SPATA6: variants seen among roughly 807,000 people sequenced by gnomAD.
SPATA6 encodes spermatogenesis-associated protein 6.
Under a neutral mutation model 65.3 loss-of-function variants are expected in SPATA6, and 56 were observed. The observed-to-expected ratio is 0.86, with a 90% CI of 0.69 to 1.07. SPATA6 has a LOEUF of 1.07. Ranked by LOEUF, SPATA6 falls within the 50% of genes least tolerant of loss-of-function variation. SPATA6 has a pLI of 0.00. For missense variants in SPATA6, 590 were observed against 594.8 expected (o/e 0.99, Z 0.08); for synonymous variants, 199 against 213.2 (o/e 0.93, Z 0.58).
chr1:48,343,423 C>A (rs1163416931), intron 11 of SPATA6, among the ~76,000 whole-genome samples: 1 of 151,998 alleles, frequency 6.6e-6, no homozygotes, highest in Non-Finnish European at 1.5e-5. Context: ...GATGAATGAA[C>A]AATGACATTA....
chr1:48,359,660 T>G lies in SPATA6; in HGVS notation c.1020A>C (p.Leu340=), dbSNP rs1371108818. Residue 340 remains leucine, a synonymous_variant, in exon 10 of 13, where the codon CTA becomes CTC. Coordinates refer to ENST00000371847, the MANE Select transcript of SPATA6 (RefSeq NM_019073.4). ...GCATTGTTGAGGGTGCTGAATGGAC[T>G]AGCAAGGTCCTCGCTGAATGCCGGG... The part of the protein sequence containing the change: ...SKPRHSARTL[L]VHSAPSTMPK... The G allele has an allele frequency of 1.9e-6, 3 of 1,613,684 alleles. No individual in the cohort carries two copies. The highest frequency in any genetic ancestry group is 2.5e-6 in the Non-Finnish European group (3 of 1,179,828).
intron 9 of SPATA6, among the ~76,000 whole-genome samples, chr1:48,369,658 G>A (rs1456424760): frequency 1.3e-5 from 2 of 152,198 alleles, no homozygotes; most frequent in African/African-American, 4.8e-5. Flanking sequence ...GGAGTGATTG[G>A]ATTTTCCAGG....
At chr1:48,441,941 G>A (rs767323315) in intron 3 of SPATA6, among the ~76,000 whole-genome samples, 1 of 152,162 alleles carries the variant, frequency 6.6e-6, no homozygotes, top group Non-Finnish European at 1.5e-5. Flanking sequence ...TTGAGGGACT[G>A]GTGTTTCAAA....
chr1:48,446,170 T>C (rs1473791007), intron 3 of SPATA6, among the ~76,000 whole-genome samples: 1 of 150,670 alleles, frequency 6.6e-6, no homozygotes, highest in Non-Finnish European at 1.5e-5. Context: ...ACAAAGAAAC[T>C]CTACATAAGC....
At chr1:48,393,637 T>A (rs562988583) in intron 8 of SPATA6, among the ~76,000 whole-genome samples, 142 of 152,240 alleles carry the variant, frequency 9.3e-4, no homozygotes, top group Middle Eastern at 3.4e-3. Flanking sequence ...TTGTCTGAAT[T>A]AGTCTGCTCA....
At chr1:48,321,037 G>A (rs1570105822) in intron 11 of SPATA6, among the ~76,000 whole-genome samples, 1 of 151,970 alleles carries the variant, frequency 6.6e-6, no homozygotes, top group East Asian at 1.9e-4. Context: ...AAAATAAAGG[G>A]CAAAAAATTG....
Position 48,453,055 on chromosome 1 carries a change from T to C in SPATA6, c.128A>G (p.Lys43Arg). 2.5e-6 allele frequency: 4 copies of C among 1,614,112 alleles called. No homozygotes were observed. The highest frequency in any genetic ancestry group is 3.4e-6 in the Non-Finnish European group (4 of 1,180,006). ...LSICVFGQYK[K>R]TQCVPATFPL... ...AAAAGTGGCTGGGACACATTGTGTC[T>C]TTTTGTATTGGCCAAACACACAGAT... is the stretch of plus-strand genomic sequence containing the variant. Residue 43 changes from lysine (K) to arginine (R), a missense_variant, in exon 2 of 13, where the codon AAG becomes AGG. Physicochemically the swap from Lys to Arg is conservative, Grantham distance 26. Coordinates refer to ENST00000371847, the MANE Select transcript of SPATA6 (RefSeq NM_019073.4).
chr1:48,457,169 C>T (rs552410792), intron 1 of SPATA6, among the ~76,000 whole-genome samples: 39 of 152,232 alleles, frequency 2.6e-4, no homozygotes, highest in African/African-American at 3.9e-4. Context: ...TGGTGGCTCA[C>T]GCCTGGAATC....
At chr1:48,418,799 AGGAG>A (rs1234835576) in intron 3 of SPATA6, among the ~76,000 whole-genome samples, 4 of 74,718 alleles carry the variant, frequency 5.4e-5, no homozygotes, top group Non-Finnish European at 7.1e-5. Context: ...GAAGGAAGGA[AGGAG>A]GGAAGGAGGG....
chr1:48,275,164 G>T, the SPATA6 span, among the ~76,000 whole-genome samples: 1 of 152,156 alleles, frequency 6.6e-6, no homozygotes, highest in Admixed American at 6.5e-5. Flanking sequence ...ACATAGGAAT[G>T]CTTGTAATTT....
At chr1:48,370,578 A>G (rs1647206996) in intron 9 of SPATA6, among the ~76,000 whole-genome samples, 1 of 152,250 alleles carries the variant, frequency 6.6e-6, no homozygotes, top group South Asian at 2.1e-4. Context: ...CTAAAATAAT[A>G]CAATAAGAAA....
intron 9 of SPATA6, among the ~76,000 whole-genome samples, chr1:48,367,267 A>G (rs1189108425): frequency 6.6e-6 from 1 of 152,150 alleles, no homozygotes; most frequent in African/African-American, 2.4e-5. Context: ...AAGAATGTAT[A>G]TTCTGTTGAT....
chr1:48,454,228 G>A (rs1206147000), intron 1 of SPATA6, among the ~76,000 whole-genome samples: 4 of 151,906 alleles, frequency 2.6e-5, no homozygotes, highest in Non-Finnish European at 5.9e-5. Context: ...GGATATTAAA[G>A]GCTCTCTAAG....
At chr1:48,376,650 T>TAA (rs1647946426) in intron 9 of SPATA6, among the ~76,000 whole-genome samples, 1 of 152,132 alleles carries the variant, frequency 6.6e-6, no homozygotes, top group African/African-American at 2.4e-5. Context: ...AGTCATGTGT[T>TAA]CTCATTGTTA....
intron 1 of SPATA6, among the ~76,000 whole-genome samples, chr1:48,464,451 T>G (rs1052624762): frequency 6.6e-6 from 1 of 152,152 alleles, no homozygotes; most frequent in Non-Finnish European, 1.5e-5. Flanking sequence ...CATCCAAAAT[T>G]AAAATATAAA....
At chr1:48,271,969 C>T in the SPATA6 span, among the ~76,000 whole-genome samples, 1 of 152,116 alleles carries the variant, frequency 6.6e-6, no homozygotes, top group Non-Finnish European at 1.5e-5. Context: ...TGATTTATCT[C>T]ACTCTCATGT....
intron 11 of SPATA6, among the ~76,000 whole-genome samples, chr1:48,329,044 C>T (rs558122263): frequency 6.6e-6 from 1 of 152,034 alleles, no homozygotes; most frequent in East Asian, 1.9e-4. Context: ...TGACTATATG[C>T]CAGGTCTTGA....
chr1:48,374,982 C>T lies in SPATA6; in HGVS notation c.909+10327G>A, dbSNP rs570204033. 4.6e-5 allele frequency among the ~76,000 whole-genome samples: 7 copies of T among 152,284 alleles called. No individual in the cohort carries two copies. The East Asian group carries it at 1.4e-3, about 29-fold the overall frequency. On this transcript the variant is annotated intron_variant, in intron 9 of 12. Coordinates refer to ENST00000371847, the MANE Select transcript of SPATA6 (RefSeq NM_019073.4). ...CAGCTTTGCATATCAACAGGTTATTCAGTTACTGTGATGTACTTCTGACCA... is the reference window on the plus strand; with the variant it reads ...CAGCTTTGCATATCAACAGGTTATTTAGTTACTGTGATGTACTTCTGACCA...
chr1:48,279,275 A>C, the SPATA6 span, among the ~76,000 whole-genome samples: 1 of 152,236 alleles, frequency 6.6e-6, no homozygotes, highest in Non-Finnish European at 1.5e-5. Context: ...TGCATCAACT[A>C]ACGAGCAAAA....
Sources: gnomAD v4.1 joint callset for allele counts (sites outside exome capture counted in the v4.1 genomes callset) on GRCh38, gnomAD v4.1.1 for gene constraint, MANE v1.5 for transcripts, NCBI Gene and HGNC (gene_info 2026-07-23, HGNC 2026-07-21) for gene names.